Variants in MAML2 observed in about 807,000 individuals in gnomAD.
The protein encoded by MAML2 is mastermind like transcriptional coactivator 2.
MAML2 carries 22 observed loss-of-function variants against 96.1 expected under a neutral mutation model. That is an observed-to-expected ratio of 0.23 (90% CI 0.16 to 0.33). The LOEUF (loss-of-function observed/expected upper bound fraction) is 0.33. Ranked by LOEUF, MAML2 falls within the 10% of genes least tolerant of loss-of-function variation. MAML2 has a pLI of 1.00. For synonymous variants in MAML2, 561 were observed against 521.3 expected (o/e 1.08, Z -1.04); for missense variants, 1,367 against 1,392.4 (o/e 0.98, Z 0.29).
intron 1 of MAML2, among the ~76,000 whole-genome samples, chr11:96,298,284 G>A (rs533256016): frequency 1.4e-3 from 216 of 152,318 alleles, no homozygotes; most frequent in African/African-American, 5.0e-3. Flanking sequence ...TATGTGCTAA[G>A]TGATTATAAT....
At chr11:96,146,260 G>A (rs34229172) in intron 1 of MAML2, among the ~76,000 whole-genome samples, 15,084 of 152,192 alleles carry the variant, frequency 0.099, 1,025 homozygotes, top group Non-Finnish European at 0.15. Flanking sequence ...TTTCTTATAA[G>A]GAATTCCATC....
chr11:96,027,215 C>T (rs541390579), intron 2 of MAML2, among the ~76,000 whole-genome samples: 9 of 149,740 alleles, frequency 6.0e-5, no homozygotes, highest in South Asian at 2.1e-4. Context: ...TTCATTTATT[C>T]ATTCATTCAT....
intron 1 of MAML2, among the ~76,000 whole-genome samples, chr11:96,247,221 A>G (rs892465869): frequency 6.6e-6 from 1 of 152,114 alleles, no homozygotes; most frequent in African/African-American, 2.4e-5. Flanking sequence ...CAAAAAAAAA[A>G]TAAGTAAACC....
intron 2 of MAML2, among the ~76,000 whole-genome samples, chr11:96,065,751 C>T (rs200108853): frequency 1.3e-5 from 2 of 152,190 alleles, no homozygotes; most frequent in African/African-American, 2.4e-5. Context: ...ACCTTGATGA[C>T]GGTCACACAG....
intron 1 of MAML2, among the ~76,000 whole-genome samples, chr11:96,277,464 T>C (rs1241776128): frequency 6.6e-6 from 1 of 152,090 alleles, no homozygotes; most frequent in Non-Finnish European, 1.5e-5. Context: ...ATATTAGAAC[T>C]TACTGTCCAG....
chr11:96,025,872 T>A (rs1017570203), intron 2 of MAML2, among the ~76,000 whole-genome samples: 1 of 152,180 alleles, frequency 6.6e-6, no homozygotes, highest in South Asian at 2.1e-4. Flanking sequence ...AAAGTATAAA[T>A]TATTTTTTAA....
At chr11:96,244,550 GATT>G (rs1413148625) in intron 1 of MAML2, among the ~76,000 whole-genome samples, 8 of 152,024 alleles carry the variant, frequency 5.3e-5, no homozygotes, top group Admixed American at 1.3e-4. Context: ...CATATATATC[GATT>G]ATTGTTTTAT....
At chr11:96,225,526 T>C (rs1862198316) in intron 1 of MAML2, among the ~76,000 whole-genome samples, 1 of 152,170 alleles carries the variant, frequency 6.6e-6, no homozygotes, top group Admixed American at 6.5e-5. Context: ...TTTGAGGTAA[T>C]TCATTATTCA....
chr11:96,081,742 T>C (rs1859532612), intron 2 of MAML2, among the ~76,000 whole-genome samples: 1 of 152,244 alleles, frequency 6.6e-6, no homozygotes, highest in Non-Finnish European at 1.5e-5. Flanking sequence ...TCATGGGTTA[T>C]TTCATGCACC....
chr11:96,250,812 G>T (rs1338064213), intron 1 of MAML2, among the ~76,000 whole-genome samples: 1 of 152,148 alleles, frequency 6.6e-6, no homozygotes, highest in Non-Finnish European at 1.5e-5. Context: ...CTTGATTCAG[G>T]ATTAATAGTA....
Position 96,227,711 on chromosome 11 carries a change from G to A in MAML2, c.513+113672C>T, listed in dbSNP as rs142773291. On this transcript the variant is annotated intron_variant, in intron 1 of 4. Transcript: ENST00000524717. ...GTTGTTGTAAGTTTAAATGAGAAAA[G>A]GCATACAATGTGTTTTGCTTAACAC... Among the ~76,000 whole-genome samples the A allele has an allele frequency of 3.4e-3, 522 of 152,282 alleles. 3 individuals are homozygous for A. The highest frequency in any genetic ancestry group is 0.014 in the South Asian group (68 of 4,822).
chr11:96,289,238 T>G (rs534147567), intron 1 of MAML2, among the ~76,000 whole-genome samples: 2 of 152,340 alleles, frequency 1.3e-5, no homozygotes, highest in South Asian at 4.1e-4. Flanking sequence ...ATCTTTGAAC[T>G]CTATGCAAAG....
At chr11:96,023,577 G>A (rs1406663629) in intron 2 of MAML2, among the ~76,000 whole-genome samples, 5 of 152,120 alleles carry the variant, frequency 3.3e-5, no homozygotes. Flanking sequence ...CAGGCCCACA[G>A]TGCTACATGG....
At chr11:96,140,672 C>T (rs2135865722) in intron 1 of MAML2, among the ~76,000 whole-genome samples, 1 of 152,306 alleles carries the variant, frequency 6.6e-6, no homozygotes, top group African/African-American at 2.4e-5. Flanking sequence ...CTCCATCGTT[C>T]AGTAGTTCCC....
chr11:96,110,439 T>A (rs1860098357), intron 1 of MAML2, among the ~76,000 whole-genome samples: 5 of 152,232 alleles, frequency 3.3e-5, no homozygotes, highest in Admixed American at 2.6e-4. Flanking sequence ...TTTTCCTCCT[T>A]TTCTCTATCC....
At chr11:96,073,640 C>T (rs111706132) in intron 2 of MAML2, among the ~76,000 whole-genome samples, 32 of 152,164 alleles carry the variant, frequency 2.1e-4, no homozygotes, top group African/African-American at 6.5e-4. Context: ...AAGACAATGA[C>T]GATTTAATGG....
chr11:96,157,007 C>T (rs899649715), intron 1 of MAML2, among the ~76,000 whole-genome samples: 1 of 152,186 alleles, frequency 6.6e-6, no homozygotes, highest in African/African-American at 2.4e-5. Context: ...TCAAGGCAGA[C>T]TCAGAAGGCA....
At position 96,178,192 on chromosome 11, in the gene MAML2, C is replaced by T. The variant is rs1052640864; in HGVS notation, c.514-84675G>A. ...TGATTAGAAAAACAATAAAAGACAT[C>T]CGTGGGTTTGTGCAACTCTCTCAGA... On this transcript the variant is annotated intron_variant, in intron 1 of 4. Transcript: ENST00000524717. Among the ~76,000 whole-genome samples, 3 of 151,394 alleles carry T rather than the reference C, an allele frequency of 2.0e-5. No homozygotes were observed. In the East Asian group the frequency reaches 5.8e-4, roughly 29 times the overall value.
intron 2 of MAML2, among the ~76,000 whole-genome samples, chr11:96,043,715 A>T (rs1290767240): frequency 6.6e-6 from 1 of 152,226 alleles, no homozygotes; most frequent in Non-Finnish European, 1.5e-5. Context: ...TTTTTTGGGC[A>T]GGCAATTATT....
Sources: allele counts gnomAD v4.1 joint callset (sites outside exome capture counted in the v4.1 genomes callset), GRCh38; gene constraint gnomAD v4.1.1; transcripts MANE v1.5; gene names NCBI Gene and HGNC (gene_info 2026-07-23, HGNC 2026-07-21).